The following PHACTR1 variants were observed in gnomAD, a reference collection of about 807,000 sequenced individuals.
The protein encoded by PHACTR1 is RPEL repeat containing 1.
In PHACTR1, 16 loss-of-function variants were observed where a neutral mutation model predicts 69.2. That is an observed-to-expected ratio of 0.23 (90% CI 0.16 to 0.35). The LOEUF (loss-of-function observed/expected upper bound fraction) is 0.35, where lower values mean the gene tolerates loss of function less well. Among genes scored for constraint, PHACTR1 ranks in the 10% least tolerant of loss-of-function variants. The probability of loss-of-function intolerance (pLI) is 1.00; values close to 1 mark genes in which losing one functional copy is unlikely to be tolerated. For missense variants in PHACTR1, 510 were observed against 734.7 expected, an observed-to-expected ratio of 0.69 and a Z score of 3.54; for synonymous variants, 312 against 284.5, an observed-to-expected ratio of 1.10 and a Z score of -0.97.
chr6:12,768,109 C>CTTTTTTTTT (rs781107897), intron 4 of PHACTR1, among the ~76,000 whole-genome samples: 3 of 107,586 alleles, frequency 2.8e-5, no homozygotes, highest in Non-Finnish European at 3.7e-5. Flanking sequence ...CTATCAAATC[C>CTTTTTTTTT]TTTTTTTTTT....
Position 13,187,063 on chromosome 6 carries a change from G to A in PHACTR1, c.664+4377G>A, listed in dbSNP as rs187399289. On this transcript the variant is annotated intron_variant, in intron 7 of 14. Coordinates refer to ENST00000332995, the MANE Select transcript of PHACTR1 (RefSeq NM_030948.6). ...GGGTTCGCGCTCATCTAATGCTGCT[G>A]TTGATTTGACAGGAGGTGGAGCTCA... Among the ~76,000 whole-genome samples the A allele has an allele frequency of 1.9e-4, 29 of 152,240 alleles. 1 individual carries two copies. Among genetic ancestry groups the A allele is most frequent in the African/African-American group, 7.0e-4 (29 of 41,546 alleles).
At chr6:12,841,840 C>A (rs1479959005) in intron 4 of PHACTR1, among the ~76,000 whole-genome samples, 1 of 151,960 alleles carries the variant, frequency 6.6e-6, no homozygotes, top group Admixed American at 6.6e-5. Flanking sequence ...GAATCTTAAC[C>A]CCTGGCAATA....
intron 3 of PHACTR1, among the ~76,000 whole-genome samples, chr6:12,743,546 T>A (rs1765350030): frequency 6.6e-6 from 1 of 152,160 alleles, no homozygotes; most frequent in Admixed American, 6.5e-5. Flanking sequence ...CTAGATAACC[T>A]GGGGCTGCTG....
chr6:12,796,998 G>A (rs1270444499), intron 4 of PHACTR1, among the ~76,000 whole-genome samples: 1 of 142,990 alleles, frequency 7.0e-6, no homozygotes, highest in African/African-American at 2.5e-5. Flanking sequence ...GTCCAGCTCC[G>A]AAGCCTAGGA....
chr6:12,933,734 G>A (rs758799004), intron 4 of PHACTR1: 73 of 1,612,612 alleles, frequency 4.5e-5, no homozygotes, highest in African/African-American at 5.3e-5. Context: ...GGAAAACCAC[G>A]GCCTCCTGAA....
At chr6:13,073,222 T>TAGCAAAAAAAA (rs1809809249) in intron 5 of PHACTR1, among the ~76,000 whole-genome samples, 1 of 84,596 alleles carries the variant, frequency 1.2e-5, no homozygotes, top group African/African-American at 1.3e-4. Context: ...ATAACAGGAT[T>TAGCAAAAAAAA]AACAAAAAAA....
At chr6:13,133,466 G>GT (rs1820882182) in intron 5 of PHACTR1, among the ~76,000 whole-genome samples, 4 of 151,896 alleles carry the variant, frequency 2.6e-5, no homozygotes, top group Admixed American at 6.6e-5. Context: ...ACTGGTTTTC[G>GT]TATTTTTTTT....
chr6:12,927,846 C>A (rs947366477), intron 4 of PHACTR1, among the ~76,000 whole-genome samples: 1 of 152,174 alleles, frequency 6.6e-6, no homozygotes, highest in African/African-American at 2.4e-5. Context: ...AGGAACAGGG[C>A]GAGCTCAGCC....
rs1458061937 is a variant in PHACTR1 at position 13,182,653 on chromosome 6, G to T, written c.631G>T (p.Val211Leu). The stretch of plus-strand genomic sequence containing the variant: ...GCCCAGGGATCCCTGCTCATATGAG[G>T]TGCTCCAACCGTCAGACATCATGGA... The part of the protein sequence containing the change: ...PMPRDPCSYE[V>L]LQPSDIMDGP... The change falls in exon 7 of 15, where the codon GTG becomes TTG. Residue 211 changes from valine (V) to leucine (L), a missense_variant. This residue lies in a region of PHACTR1 where 419 missense variants were observed against 530.9 expected (regional missense o/e 0.79). Transcript: ENST00000332995. The T allele has an allele frequency of 1.3e-6, 2 of 1,589,112 alleles. No individual in the cohort carries two copies. Among genetic ancestry groups the T allele is most frequent in the South Asian group, 1.1e-5 (1 of 87,202 alleles).
intron 4 of PHACTR1, among the ~76,000 whole-genome samples, chr6:12,786,005 C>A (rs9472549): frequency 0.07 from 10,623 of 152,192 alleles, 465 homozygotes; most frequent in Admixed American, 0.1. Context: ...AGATGTTAAA[C>A]CCATTAGTCA....
At chr6:12,760,314 T>C (rs1383951684) in intron 4 of PHACTR1, among the ~76,000 whole-genome samples, 3 of 152,142 alleles carry the variant, frequency 2.0e-5, no homozygotes, top group African/African-American at 7.2e-5. Context: ...TGAATATGAG[T>C]AGCCCCAAAT....
At chr6:13,040,631 C>T (rs1350127294) in intron 4 of PHACTR1, among the ~76,000 whole-genome samples, 1 of 152,074 alleles carries the variant, frequency 6.6e-6, no homozygotes, top group Non-Finnish European at 1.5e-5. Flanking sequence ...AGACACAGGA[C>T]CCTGCCCACC....
intron 4 of PHACTR1, among the ~76,000 whole-genome samples, chr6:12,944,177 G>C (rs1192530268): frequency 6.6e-6 from 1 of 152,200 alleles, no homozygotes; most frequent in Non-Finnish European, 1.5e-5. Flanking sequence ...AGGAGGCACA[G>C]TGTGTCTGAG....
At chr6:12,824,286 C>G (rs543088739) in intron 4 of PHACTR1, among the ~76,000 whole-genome samples, 1 of 152,092 alleles carries the variant, frequency 6.6e-6, no homozygotes, top group African/African-American at 2.4e-5. Flanking sequence ...GCAAGCTCAG[C>G]GCCCTCACTG....
chr6:12,960,446 G>A (rs1792564166), intron 4 of PHACTR1, among the ~76,000 whole-genome samples: 1 of 152,216 alleles, frequency 6.6e-6, no homozygotes, highest in African/African-American at 2.4e-5. Flanking sequence ...TATTTCTCTA[G>A]ATGAGAAGGC....
chr6:13,213,448 C>G (rs1767184511), intron 8 of PHACTR1, among the ~76,000 whole-genome samples: 1 of 152,172 alleles, frequency 6.6e-6, no homozygotes, highest in African/African-American at 2.4e-5. Context: ...CCCTCCTGCA[C>G]ACACCCCTTT....
At chr6:13,046,625 T>C (rs1183665819) in intron 4 of PHACTR1, among the ~76,000 whole-genome samples, 1 of 152,082 alleles carries the variant, frequency 6.6e-6, no homozygotes, top group Non-Finnish European at 1.5e-5. Context: ...AGCTCCTTCA[T>C]GGTGTATATT....
chr6:13,182,738 G>T (rs1762770953), intron 7 of PHACTR1, 52 bp downstream of exon 7: 3 of 1,466,678 alleles, frequency 2.0e-6, no homozygotes, highest in South Asian at 3.0e-5. Flanking sequence ...AGTCCAGCCA[G>T]GCACCAGGGA....
intron 4 of PHACTR1, among the ~76,000 whole-genome samples, chr6:12,817,249 C>A (rs1775693679): frequency 6.6e-6 from 1 of 152,114 alleles, no homozygotes; most frequent in African/African-American, 2.4e-5. Context: ...GATAGAAGGT[C>A]AAATTATGAA....
Sources: gnomAD v4.1 joint callset for allele counts (sites outside exome capture counted in the v4.1 genomes callset) on GRCh38, gnomAD v4.1.1 for gene constraint, gnomAD v4.1.1 regional missense constraint, MANE v1.5 for transcripts, NCBI Gene and HGNC (gene_info 2026-07-23, HGNC 2026-07-21) for gene names.